The following ME1 variants were observed in gnomAD, a reference collection of about 807,000 sequenced individuals.
ME1 encodes NADP-dependent malic enzyme.
Under a neutral mutation model 66.4 loss-of-function variants are expected in ME1, and 74 were observed. That is an observed-to-expected ratio of 1.11 (90% CI 0.92 to 1.35). The LOEUF is 1.35. Among genes scored for constraint, ME1 ranks in the 40% most tolerant of loss-of-function variants. The pLI is 0.00. For missense variants in ME1, 750 were observed against 694.1 expected (o/e 1.08, Z -0.90); for synonymous variants, 251 against 235.6 (o/e 1.07, Z -0.60).
At chr6:83,327,940 G>T (rs1485588848) in intron 5 of ME1, among the ~76,000 whole-genome samples, 1 of 152,098 alleles carries the variant, frequency 6.6e-6, no homozygotes, top group Non-Finnish European at 1.5e-5. Context: ...TAGGAAAATA[G>T]AAAAGAACCT....
intron 6 of ME1, among the ~76,000 whole-genome samples, chr6:83,262,174 C>T (rs554275174): frequency 6.6e-5 from 10 of 152,122 alleles, no homozygotes; most frequent in South Asian, 6.2e-4. Context: ...ATCTGATGGA[C>T]GGCAAAGGTG....
intron 7 of ME1, among the ~76,000 whole-genome samples, chr6:83,245,014 C>T (rs1790592163): frequency 6.6e-6 from 1 of 151,974 alleles, no homozygotes; most frequent in Non-Finnish European, 1.5e-5. Context: ...TTTTTAGTGG[C>T]ATGCATGTCA....
At chr6:83,243,362 T>C (rs1456840753) in intron 7 of ME1, among the ~76,000 whole-genome samples, 1 of 127,646 alleles carries the variant, frequency 7.8e-6, no homozygotes, top group African/African-American at 3.1e-5. Context: ...ATTTATATAA[T>C]ATATTATATA....
chr6:83,263,903 A>G (rs1262745587), intron 6 of ME1, among the ~76,000 whole-genome samples: 1 of 152,186 alleles, frequency 6.6e-6, no homozygotes, highest in Admixed American at 6.5e-5. Context: ...CAGAAGATCT[A>G]CCTAAGCTCA....
chr6:83,398,345 T>C (rs185529110), intron 3 of ME1, 22 bp downstream of exon 3: 2 of 1,527,670 alleles, frequency 1.3e-6, no homozygotes, highest in South Asian at 1.3e-5. Context: ...ACAAGTTGCA[T>C]ATAAAATAAA....
At chr6:83,287,539 A>T (rs968069082) in intron 6 of ME1, among the ~76,000 whole-genome samples, 1 of 152,110 alleles carries the variant, frequency 6.6e-6, no homozygotes, top group Non-Finnish European at 1.5e-5. Context: ...ACATTTTCTT[A>T]ATCCAGTCTA....
In ME1 at chr6:83,430,980, G is replaced by T; in HGVS notation, c.-26C>A. On this transcript the variant is annotated 5_prime_UTR_variant, in exon 1 of 14. Transcript: ENST00000369705. ...GGCTGGCGCCGGGTTCGGCGGCGGG[G>T]TCAGGCCGGGGCGGGCCGCACGCGC... 4 of 1,485,076 alleles carry T rather than the reference G, an allele frequency of 2.7e-6. No homozygotes were observed. The highest frequency in any genetic ancestry group is 3.6e-6 in the Non-Finnish European group (4 of 1,109,262). 92.0% of individuals were successfully genotyped at this position (1,485,076 alleles called of 1,614,324 possible).
chr6:83,374,675 C>T (rs1464550534), intron 3 of ME1, among the ~76,000 whole-genome samples: 1 of 152,166 alleles, frequency 6.6e-6, no homozygotes, highest in Non-Finnish European at 1.5e-5. Context: ...TTGCACATGC[C>T]TATGTCCTGA....
intron 3 of ME1, among the ~76,000 whole-genome samples, chr6:83,357,935 C>CTCTCTCTCTATATATATATATATATA (rs1447805761): frequency 3.3e-5 from 1 of 30,040 alleles, no homozygotes; most frequent in Non-Finnish European, 5.9e-5. Flanking sequence ...CTCTCTCTCT[C>CTCTCTCTCTATATATATATATATATA]TATATATATA....
At chr6:83,326,307 A>C (rs370077540) in intron 5 of ME1, among the ~76,000 whole-genome samples, 1 of 152,238 alleles carries the variant, frequency 6.6e-6, no homozygotes, top group African/African-American at 2.4e-5. Context: ...AACCTTGGGA[A>C]TACCATTCAG....
At chr6:83,382,046 T>G (rs182847022) in intron 3 of ME1, among the ~76,000 whole-genome samples, 1 of 151,894 alleles carries the variant, frequency 6.6e-6, no homozygotes, top group Non-Finnish European at 1.5e-5. Context: ...CTTTTTTTTT[T>G]CCCTGATTTT....
At chr6:83,388,282 C>T (rs1307862404) in intron 3 of ME1, among the ~76,000 whole-genome samples, 1 of 152,058 alleles carries the variant, frequency 6.6e-6, no homozygotes, top group South Asian at 2.1e-4. Context: ...GACGGGGTTT[C>T]ACCATGTTGC....
intron 3 of ME1, among the ~76,000 whole-genome samples, chr6:83,364,734 TGTC>T (rs936219177): frequency 2.0e-5 from 3 of 150,224 alleles, no homozygotes; most frequent in African/African-American, 7.5e-5. Context: ...TCTATCTATC[TGTC>T]ATCTATCTAT....
intron 1 of ME1, among the ~76,000 whole-genome samples, chr6:83,429,263 AAAT>A (rs149455567): frequency 5.3e-5 from 8 of 151,582 alleles, no homozygotes; most frequent in South Asian, 2.1e-4. Context: ...ACTCCGTCTC[AAAT>A]AATAATAATA....
Position 83,346,328 on chromosome 6 carries a change from C to A in ME1, c.445G>T (p.Val149Leu). Reference protein sequence around the residue: ...AWPEDVIKAIVVTDGERILGL... With the variant: ...AWPEDVIKAILVTDGERILGL... ...AGAATACGCTCTCCATCAGTCACCA[C>A]AATGGCCTGGAAGAAAAAGAAAAAT... The change falls in exon 5 of 14, where the codon GTG (valine) becomes TTG (leucine). Residue 149 changes from valine (V) to leucine (L), a missense_variant. Val to Leu is a conservative substitution (Grantham distance 32). Coordinates refer to ENST00000369705, the MANE Select transcript of ME1 (RefSeq NM_002395.6). 6.3e-7 allele frequency: 1 copy of A among 1,587,872 alleles called. No homozygotes were observed. The highest frequency in any genetic ancestry group is 8.6e-7 in the Non-Finnish European group (1 of 1,168,570).
chr6:83,405,724 T>TG (rs1373215905), intron 2 of ME1, among the ~76,000 whole-genome samples: 30 of 143,110 alleles, frequency 2.1e-4, no homozygotes, highest in East Asian at 4.2e-4. Flanking sequence ...TTGTTGTTGT[T>TG]TTTTTTTTTT....
intron 13 of ME1, among the ~76,000 whole-genome samples, chr6:83,214,244 G>T (rs1199833457): frequency 2.6e-5 from 4 of 152,036 alleles, no homozygotes; most frequent in Admixed American, 2.6e-4. Context: ...TCCTCTTTCT[G>T]CTCCCAGTTA....
chr6:83,252,901 T>C (rs1299768783), intron 7 of ME1, among the ~76,000 whole-genome samples: 1 of 151,956 alleles, frequency 6.6e-6, no homozygotes, highest in East Asian at 1.9e-4. Context: ...ACAAGGTGAG[T>C]CAACAATGTG....
intron 1 of ME1, among the ~76,000 whole-genome samples, chr6:83,428,248 G>T (rs1266432946): frequency 6.6e-6 from 1 of 152,092 alleles, no homozygotes; most frequent in African/African-American, 2.4e-5. Flanking sequence ...ATTGGGGAAC[G>T]AATAAGATAA....
Sources: gnomAD v4.1 joint callset for allele counts (sites outside exome capture counted in the v4.1 genomes callset) on GRCh38, gnomAD v4.1.1 for gene constraint, MANE v1.5 for transcripts, NCBI Gene and HGNC (gene_info 2026-07-23, HGNC 2026-07-21) for gene names.